The following HEMK2 variants were observed in gnomAD, a reference collection of about 807,000 sequenced individuals.
HEMK2 encodes the protein HemK methyltransferase 2, ETF1 glutamine and histone H4 lysine.
At chr21:28,786,728 T>C in the HEMK2 span, among the ~76,000 whole-genome samples, 1 of 151,364 alleles carries the variant, frequency 6.6e-6, no homozygotes, top group Admixed American at 6.6e-5. Flanking sequence ...TGTTGCCAGA[T>C]ACATTAATAT....
the HEMK2 span, among the ~76,000 whole-genome samples, chr21:28,689,637 G>A: frequency 6.6e-6 from 1 of 152,130 alleles, no homozygotes; most frequent in Non-Finnish European, 1.5e-5. Context: ...TAGTCCCCTG[G>A]TTATTCAATC....
the HEMK2 span, among the ~76,000 whole-genome samples, chr21:28,580,504 A>G: frequency 6.6e-6 from 1 of 150,762 alleles, no homozygotes; most frequent in Non-Finnish European, 1.5e-5. Flanking sequence ...CTTCTGGTGC[A>G]CCATCTCAGC....
the HEMK2 span, among the ~76,000 whole-genome samples, chr21:28,678,546 C>G: frequency 6.6e-6 from 1 of 152,172 alleles, no homozygotes; most frequent in Non-Finnish European, 1.5e-5. Context: ...ACAGAGAACA[C>G]CACAAAGATA....
chr21:28,788,408 G>A, the HEMK2 span, among the ~76,000 whole-genome samples: 8 of 151,860 alleles, frequency 5.3e-5, no homozygotes, highest in Non-Finnish European at 7.4e-5. Context: ...ATTATTCTAA[G>A]TGAAGTAACT....
At chr21:28,618,723 CAT>C in the HEMK2 span, among the ~76,000 whole-genome samples, 1 of 152,174 alleles carries the variant, frequency 6.6e-6, no homozygotes, top group Non-Finnish European at 1.5e-5. Context: ...CACATGAACA[CAT>C]ATCCTAAGGT....
chr21:28,577,943 A>G, the HEMK2 span, among the ~76,000 whole-genome samples: 1 of 152,216 alleles, frequency 6.6e-6, no homozygotes, highest in East Asian at 1.9e-4. Context: ...ATTGGCTCCC[A>G]AACTCCAGTC....
chr21:28,677,321 A>C, the HEMK2 span, among the ~76,000 whole-genome samples: 3 of 152,310 alleles, frequency 2.0e-5, no homozygotes, highest in South Asian at 6.2e-4. Context: ...CTCTGAGATC[A>C]AACTGCAAGG....
the HEMK2 span, among the ~76,000 whole-genome samples, chr21:28,800,535 A>C: frequency 6.6e-6 from 1 of 152,090 alleles, no homozygotes; most frequent in Non-Finnish European, 1.5e-5. Context: ...TTATATATAA[A>C]TGTATATATA....
chr21:28,628,121 T>A, the HEMK2 span, among the ~76,000 whole-genome samples: 188 of 152,266 alleles, frequency 1.2e-3, 2 homozygotes, highest in African/African-American at 3.6e-3. Flanking sequence ...TTTGTCTAGT[T>A]CCTTACTCAA....
chr21:28,685,315 T>C, the HEMK2 span, among the ~76,000 whole-genome samples: 14 of 150,122 alleles, frequency 9.3e-5, no homozygotes, highest in East Asian at 2.2e-3. Context: ...ATGTATTTCA[T>C]CTTTTCAACT....
chr21:28,766,193 T>C, the HEMK2 span, among the ~76,000 whole-genome samples: 1,646 of 152,004 alleles, frequency 0.011, 26 homozygotes, highest in African/African-American at 0.037. Flanking sequence ...TTAGGAGAAA[T>C]ACCTAATGTA....
the HEMK2 span, among the ~76,000 whole-genome samples, chr21:28,681,457 G>A: frequency 6.6e-5 from 10 of 152,080 alleles, no homozygotes; most frequent in East Asian, 3.9e-4. Flanking sequence ...AATCAATATC[G>A]TGAAAATGGC....
At chr21:28,739,960 G>A in the HEMK2 span, among the ~76,000 whole-genome samples, 263 of 152,248 alleles carry the variant, frequency 1.7e-3, no homozygotes, top group African/African-American at 6.0e-3. Context: ...ATCATCTGGA[G>A]GATTTTTTCC....
the HEMK2 span, among the ~76,000 whole-genome samples, chr21:28,821,847 A>G: frequency 6.6e-6 from 1 of 152,244 alleles, no homozygotes; most frequent in African/African-American, 2.4e-5. Flanking sequence ...GTTTTTTTAC[A>G]CATCAGAAGG....
At chr21:28,721,290 A>AT in the HEMK2 span, among the ~76,000 whole-genome samples, 6 of 151,668 alleles carry the variant, frequency 4.0e-5, no homozygotes, top group South Asian at 1.2e-3. Flanking sequence ...TAATTTTTGT[A>AT]TTTTTTGTAG....
the HEMK2 span, among the ~76,000 whole-genome samples, chr21:28,836,784 C>T: frequency 6.6e-6 from 1 of 150,858 alleles, no homozygotes; most frequent in Non-Finnish European, 1.5e-5. Context: ...CACATAAGGA[C>T]TCACATAAAC....
At chr21:28,752,810 T>G in the HEMK2 span, among the ~76,000 whole-genome samples, 29,359 of 152,070 alleles carry the variant, frequency 0.19, 3,517 homozygotes, top group African/African-American at 0.34. Context: ...ATGTAAGATA[T>G]TATTGTTGTT....
At chr21:28,772,744 CACATCAGCATT>C in the HEMK2 span, among the ~76,000 whole-genome samples, 1 of 152,122 alleles carries the variant, frequency 6.6e-6, no homozygotes, top group African/African-American at 2.4e-5. Flanking sequence ...TCCTGACTCC[CACATCAGCATT>C]AACCAAATGT....
chr21:28,609,739 C>A, the HEMK2 span, among the ~76,000 whole-genome samples: 1 of 150,600 alleles, frequency 6.6e-6, no homozygotes, highest in African/African-American at 2.4e-5. Flanking sequence ...TTCTGGAAAT[C>A]AAGGACACAC....
Sources: allele counts gnomAD v4.1 joint callset (sites outside exome capture counted in the v4.1 genomes callset), GRCh38; gene constraint gnomAD v4.1.1; transcripts MANE v1.5; gene names NCBI Gene and HGNC (gene_info 2026-07-23, HGNC 2026-07-21).